MSTO1: variants seen among roughly 807,000 people sequenced by gnomAD.
The protein encoded by MSTO1 is protein misato homolog 1.
MSTO1 carries 24 observed loss-of-function variants against 55.7 expected under a neutral mutation model. The ratio of observed to expected loss-of-function variants is 0.43; its 90% CI spans 0.31 to 0.61. The LOEUF (loss-of-function observed/expected upper bound fraction) is 0.61. Ranked by LOEUF, MSTO1 falls within the 20% of genes least tolerant of loss-of-function variation. The probability of loss-of-function intolerance (pLI) is 0.09; values close to 1 mark genes in which losing one functional copy is unlikely to be tolerated. For missense variants in MSTO1, 363 were observed against 625.7 expected, an observed-to-expected ratio of 0.58 and a Z score of 4.48; for synonymous variants, 162 against 252.8, an observed-to-expected ratio of 0.64 and a Z score of 3.41.
chr1:155,591,090 G>A, the MSTO1 span: 3 of 1,613,634 alleles, frequency 1.9e-6, no homozygotes. Flanking sequence ...TCTGGCTAGT[G>A]CTCTGCACCA....
the MSTO1 span, among the ~76,000 whole-genome samples, chr1:155,568,689 C>T: frequency 1.3e-5 from 2 of 152,108 alleles, no homozygotes; most frequent in African/African-American, 4.8e-5. Context: ...CCACCCGCCT[C>T]AGTCTCCCAA....
chr1:155,597,701 G>T, the MSTO1 span, among the ~76,000 whole-genome samples: 1,929 of 151,608 alleles, frequency 0.013, 124 homozygotes, highest in East Asian at 0.23. Context: ...GTAGGGAGGG[G>T]GTTTCACCAT....
chr1:155,573,931 A>G, the MSTO1 span, among the ~76,000 whole-genome samples: 13 of 151,990 alleles, frequency 8.6e-5, no homozygotes, highest in African/African-American at 3.1e-4. Context: ...CTTGAATGAG[A>G]TCGATGTGGA....
At chr1:155,584,275 C>A in the MSTO1 span, among the ~76,000 whole-genome samples, 1 of 152,038 alleles carries the variant, frequency 6.6e-6, no homozygotes, top group East Asian at 1.9e-4. Flanking sequence ...GGGAGGATCG[C>A]TTGAATACGG....
chr1:155,598,777 T>C, the MSTO1 span: 1 of 916,974 alleles, frequency 1.1e-6, no homozygotes, highest in Non-Finnish European at 1.8e-6. Context: ...AAGTGACCTT[T>C]CTAGTCACCT....
chr1:155,566,648 T>A, the MSTO1 span, among the ~76,000 whole-genome samples: 1 of 151,656 alleles, frequency 6.6e-6, no homozygotes, highest in Non-Finnish European at 1.5e-5. Context: ...AGAGTTTCAC[T>A]CTTGTTACCC....
the MSTO1 span, among the ~76,000 whole-genome samples, chr1:155,568,089 A>T: frequency 0.023 from 3,410 of 147,792 alleles, 97 homozygotes; most frequent in African/African-American, 0.066. Context: ...ATTTTATTTT[A>T]TTTTTTTTGA....
chr1:155,588,902 T>C, the MSTO1 span, among the ~76,000 whole-genome samples: 4 of 152,152 alleles, frequency 2.6e-5, no homozygotes, highest in East Asian at 7.7e-4. Flanking sequence ...CAGGCCTATA[T>C]ATTAATACAT....
At chr1:155,613,268 A>G (rs763734865) in intron 11 of MSTO1, 35 bp downstream of exon 11, 3 of 1,600,046 alleles carry the variant, frequency 1.9e-6, no homozygotes, top group Non-Finnish European at 2.6e-6. Flanking sequence ...TCCTTGTCAG[A>G]TTTTTGTCTC....
the MSTO1 span, among the ~76,000 whole-genome samples, chr1:155,591,660 C>T: frequency 6.6e-6 from 1 of 152,010 alleles, no homozygotes; most frequent in African/African-American, 2.4e-5. Context: ...CGTGGTGGCG[C>T]ATGCCTGTAA....
the MSTO1 span, among the ~76,000 whole-genome samples, chr1:155,585,239 G>A: frequency 6.6e-6 from 1 of 152,156 alleles, no homozygotes; most frequent in Admixed American, 6.6e-5. Context: ...AAGTGAAAAT[G>A]AGGGACGGGC....
chr1:155,566,999 C>T, the MSTO1 span, among the ~76,000 whole-genome samples: 2 of 152,180 alleles, frequency 1.3e-5, no homozygotes, highest in African/African-American at 4.8e-5. Context: ...GCTGCCTCAG[C>T]CTCCTCGGTA....
chr1:155,591,016 A>T, the MSTO1 span: 93 of 1,613,776 alleles, frequency 5.8e-5, 1 homozygote, highest in South Asian at 9.3e-4. Flanking sequence ...GATGACACAG[A>T]CGGCACGTGC....
At chr1:155,596,568 T>C in the MSTO1 span, among the ~76,000 whole-genome samples, 1 of 152,154 alleles carries the variant, frequency 6.6e-6, no homozygotes. Flanking sequence ...GAGGATCACT[T>C]GAGCCCAAGA....
chr1:155,611,815 ACAAC>A lies in MSTO1; in HGVS notation c.551_554del (p.Asn184ThrfsTer18), dbSNP rs1674128385. 1.5e-6 allele frequency: 1 copy of A among 658,476 alleles called. No homozygotes were observed. Among genetic ancestry groups the A allele is most frequent in the African/African-American group, 2.3e-5 (1 of 44,278 alleles). The allele number at this position is 658,476 out of a possible 1,614,324, so 40.8% of individuals were successfully genotyped here. On this transcript the variant is annotated frameshift_variant, in exon 6 of 14. Transcript: ENST00000245564. LOFTEE classifies it high-confidence loss of function. ...CGGAGCATCTGTATGATTCAGAAGT[ACAAC>A]CACGATGGGTATGGGGACCCCAGAG... is the stretch of plus-strand genomic sequence containing the variant.
the MSTO1 span, among the ~76,000 whole-genome samples, chr1:155,588,329 A>T: frequency 1.3e-5 from 2 of 152,192 alleles, no homozygotes; most frequent in South Asian, 4.1e-4. Flanking sequence ...TTATTTACCA[A>T]ATAGTTTTTC....
At chr1:155,593,899 G>A in the MSTO1 span, among the ~76,000 whole-genome samples, 243 of 152,018 alleles carry the variant, frequency 1.6e-3, no homozygotes, top group African/African-American at 5.7e-3. Flanking sequence ...AACCCGGGAG[G>A]CGGAGCTTGC....
chr1:155,576,326 G>GTTTTGT, the MSTO1 span, among the ~76,000 whole-genome samples: 1 of 151,864 alleles, frequency 6.6e-6, no homozygotes, highest in Non-Finnish European at 1.5e-5. Flanking sequence ...GTTTTGTTCT[G>GTTTTGT]TTTTGTTTTT....
the MSTO1 span, among the ~76,000 whole-genome samples, chr1:155,582,078 G>A: frequency 6.6e-6 from 1 of 151,094 alleles, no homozygotes; most frequent in African/African-American, 2.4e-5. Context: ...ATTTTTAGTA[G>A]AGACAGAGTT....
Sources: allele counts gnomAD v4.1 joint callset (sites outside exome capture counted in the v4.1 genomes callset), GRCh38; gene constraint gnomAD v4.1.1; transcripts MANE v1.5; gene names NCBI Gene and HGNC (gene_info 2026-07-23, HGNC 2026-07-21).